The following UNC5D variants were observed in gnomAD, a reference collection of about 807,000 sequenced individuals.
UNC5D encodes unc-5 netrin receptor D, also known as netrin receptor UNC5D.
UNC5D carries 39 observed loss-of-function variants against 105.4 expected under a neutral mutation model. That is an observed-to-expected ratio of 0.37 (90% CI 0.29 to 0.48). The LOEUF is 0.48. UNC5D is among the 20% of genes least tolerant of loss of function. The probability of loss-of-function intolerance (pLI) is 0.98; values close to 1 mark genes in which losing one functional copy is unlikely to be tolerated. For missense variants in UNC5D, 991 were observed against 1,202.4 expected (o/e 0.82, Z 2.60); for synonymous variants, 452 against 450.4 (o/e 1.00, Z -0.04).
chr8:35,358,849 T>A (rs1801702652), intron 1 of UNC5D, among the ~76,000 whole-genome samples: 1 of 152,196 alleles, frequency 6.6e-6, no homozygotes, highest in Non-Finnish European at 1.5e-5. Context: ...TAGTACTGTA[T>A]TTTTTGGTAT....
Position 35,271,452 on chromosome 8 carries a change from CAT to C in UNC5D, c.103+35568_103+35569del, listed in dbSNP as rs553622956. ...GTGTGTGTATGTATATGTATACACA[CAT>C]ATGTGTGTAGGTATACCTATATTTA... On this transcript the variant is annotated intron_variant, in intron 1 of 16. Transcript: ENST00000404895. 2.7e-3 allele frequency among the ~76,000 whole-genome samples: 383 copies of C among 140,492 alleles called. 4 individuals carry two copies. The highest frequency in any genetic ancestry group is 9.6e-3 in the African/African-American group (373 of 38,724). The allele number at this position is 140,492 out of a possible 152,430, so 92.2% of individuals were successfully genotyped here. A position where few individuals can be genotyped will look rare whatever the true frequency, so the allele number is the denominator to read the frequency against.
intron 1 of UNC5D, among the ~76,000 whole-genome samples, chr8:35,294,845 G>T (rs1039553033): frequency 6.6e-6 from 1 of 151,990 alleles, no homozygotes; most frequent in African/African-American, 2.4e-5. Flanking sequence ...TGATTCTTGG[G>T]AACACTCAGC....
At chr8:35,556,650 G>A (rs994674289) in intron 2 of UNC5D, among the ~76,000 whole-genome samples, 4 of 152,292 alleles carry the variant, frequency 2.6e-5, no homozygotes, top group Middle Eastern at 6.8e-3. Flanking sequence ...TGCTACAAGG[G>A]TTTGTGATAA....
intron 1 of UNC5D, among the ~76,000 whole-genome samples, chr8:35,528,135 T>C (rs12680369): frequency 6.7e-6 from 1 of 149,510 alleles, no homozygotes; most frequent in East Asian, 2.0e-4. Context: ...CATGCTGGTG[T>C]GCTGCACCCA....
At chr8:35,505,785 T>A (rs1812270719) in intron 1 of UNC5D, among the ~76,000 whole-genome samples, 1 of 152,204 alleles carries the variant, frequency 6.6e-6, no homozygotes, top group East Asian at 1.9e-4. Flanking sequence ...ATACACTAAG[T>A]CAGGAAAGTG....
chr8:35,548,935 T>C (rs114627881), intron 1 of UNC5D, among the ~76,000 whole-genome samples: 191 of 152,310 alleles, frequency 1.3e-3, no homozygotes, highest in African/African-American at 4.5e-3. Flanking sequence ...TGAAGCAGCT[T>C]GGGGTTGTCA....
At chr8:35,785,172 G>T (rs144979048) in intron 16 of UNC5D, among the ~76,000 whole-genome samples, 1 of 151,744 alleles carries the variant, frequency 6.6e-6, no homozygotes, top group African/African-American at 2.4e-5. Flanking sequence ...TTTACCTGCC[G>T]GTGCCCAAAT....
chr8:35,625,191 G>T (rs1821633108), intron 4 of UNC5D, among the ~76,000 whole-genome samples: 1 of 152,066 alleles, frequency 6.6e-6, no homozygotes, highest in African/African-American at 2.4e-5. Context: ...TTCTGCAGAG[G>T]TTGGTACAGT....
chr8:35,646,444 C>T (rs1012952663), intron 4 of UNC5D, among the ~76,000 whole-genome samples: 1 of 152,046 alleles, frequency 6.6e-6, no homozygotes, highest in African/African-American at 2.4e-5. Context: ...TTTCTGATTT[C>T]ATCTTTAGTT....
At chr8:35,568,569 G>C (rs538265636) in intron 3 of UNC5D, among the ~76,000 whole-genome samples, 1 of 152,124 alleles carries the variant, frequency 6.6e-6, no homozygotes, top group East Asian at 1.9e-4. Flanking sequence ...TGCGTCTGTC[G>C]TCCCAGCTAC....
chr8:35,616,796 A>G (rs539481490), intron 4 of UNC5D, among the ~76,000 whole-genome samples: 1 of 152,232 alleles, frequency 6.6e-6, no homozygotes, highest in Non-Finnish European at 1.5e-5. Context: ...ATCAGAGAGA[A>G]GGCGATTTGG....
intron 3 of UNC5D, among the ~76,000 whole-genome samples, chr8:35,593,081 ACACAC>A (rs1819275048): frequency 6.6e-6 from 1 of 151,776 alleles, no homozygotes; most frequent in East Asian, 1.9e-4. Context: ...ACACACACAC[ACACAC>A]AAATATGTAA....
intron 1 of UNC5D, among the ~76,000 whole-genome samples, chr8:35,269,455 A>C (rs531547878): frequency 9.2e-5 from 14 of 152,264 alleles, no homozygotes; most frequent in African/African-American, 3.4e-4. Flanking sequence ...CTTGACTTAC[A>C]TCTGCAGAAT....
At chr8:35,410,585 T>C (rs892436025) in intron 1 of UNC5D, among the ~76,000 whole-genome samples, 4 of 152,088 alleles carry the variant, frequency 2.6e-5, no homozygotes, top group East Asian at 1.9e-4. Flanking sequence ...TCAGTGATTA[T>C]AAAATTTTAT....
intron 4 of UNC5D, among the ~76,000 whole-genome samples, chr8:35,612,118 C>A (rs1360535656): frequency 6.6e-6 from 1 of 152,194 alleles, no homozygotes; most frequent in Non-Finnish European, 1.5e-5. Flanking sequence ...AGAATTCAGG[C>A]CTTAAAGCTA....
chr8:35,597,406 C>A (rs1819556262), intron 4 of UNC5D, among the ~76,000 whole-genome samples: 1 of 152,336 alleles, frequency 6.6e-6, no homozygotes, highest in South Asian at 2.1e-4. Context: ...AGGCAAGGGA[C>A]TGTATCCCTC....
chr8:35,748,641 T>C lies in UNC5D; in HGVS notation c.1881T>C (p.Ser627=). ...ALTIPHCADV[S]SEHWNIHLKK... ...CCATCCCGCACTGTGCAGATGTCAG[T>C]TCTGAGCATTGGAATATCCATTTAA... The change falls in exon 12 of 17, where the codon AGT becomes AGC. Residue 627 remains serine, a synonymous_variant. Transcript: ENST00000404895. 1 of 1,614,020 alleles carries C rather than the reference T, an allele frequency of 6.2e-7. No individual in the cohort carries two copies. The highest frequency in any genetic ancestry group is 8.5e-7 in the Non-Finnish European group (1 of 1,179,910).
At chr8:35,724,372 G>A (rs549247495) in intron 9 of UNC5D, 23 of 1,448,714 alleles carry the variant, frequency 1.6e-5, no homozygotes, top group Non-Finnish European at 2.1e-5. Flanking sequence ...CACTGTCTTA[G>A]AGAGATCCGT....
At chr8:35,687,849 T>G (rs1826120672) in intron 7 of UNC5D, among the ~76,000 whole-genome samples, 1 of 152,168 alleles carries the variant, frequency 6.6e-6, no homozygotes, top group Non-Finnish European at 1.5e-5. Flanking sequence ...TAGGGATCTC[T>G]TCTCCACTCA....
Sources: allele counts gnomAD v4.1 joint callset (sites outside exome capture counted in the v4.1 genomes callset), GRCh38; gene constraint gnomAD v4.1.1; transcripts MANE v1.5; gene names NCBI Gene and HGNC (gene_info 2026-07-23, HGNC 2026-07-21).